The following SOX6 variants were observed in gnomAD, a reference collection of about 807,000 sequenced individuals.
SOX6 encodes SRY-box transcription factor 6, also known as transcription factor SOX-6.
In SOX6, 11 loss-of-function variants were observed where a neutral mutation model predicts 97.8. The ratio of observed to expected loss-of-function variants is 0.11; its 90% CI spans 0.07 to 0.19. SOX6 has a LOEUF of 0.19. Ranked by LOEUF, SOX6 falls within the 10% of genes least tolerant of loss-of-function variation. The probability of loss-of-function intolerance (pLI) is 1.00; values close to 1 mark genes in which losing one functional copy is unlikely to be tolerated. For synonymous variants in SOX6, 360 were observed against 371.4 expected (o/e 0.97, Z 0.35); for missense variants, 810 against 1,039.5 (o/e 0.78, Z 3.04).
chr11:16,225,833 T>G (rs1475840176), intron 4 of SOX6, among the ~76,000 whole-genome samples: 1 of 152,208 alleles, frequency 6.6e-6, no homozygotes, highest in Non-Finnish European at 1.5e-5. Context: ...AGGCCCTCAG[T>G]GGCACTTAGT....
chr11:16,147,420 G>A (rs1012812101), intron 6 of SOX6, among the ~76,000 whole-genome samples: 1 of 152,050 alleles, frequency 6.6e-6, no homozygotes, highest in Admixed American at 6.6e-5. Flanking sequence ...GTTAATGGGT[G>A]CGGCACACCA....
chr11:16,497,989 A>G (rs1860634649), intron 4 of SOX6, among the ~76,000 whole-genome samples: 1 of 152,168 alleles, frequency 6.6e-6, no homozygotes, highest in African/African-American at 2.4e-5. Context: ...ACTCCTCGAG[A>G]AGAGCAACTC....
chr11:16,464,302 T>C lies in SOX6; in HGVS notation c.-5+12013A>G, dbSNP rs1859987359. 3.9e-5 allele frequency among the ~76,000 whole-genome samples: 6 copies of C among 151,926 alleles called. No homozygotes were observed. In the South Asian group the frequency reaches 1.2e-3, roughly 31 times the overall value. ...TTTGATTGCCCAAAGTGGACTAGAG[T>C]GCCTTTAGTTTATATAAGAAACCCA... On this transcript the variant is annotated intron_variant, in intron 1 of 15. Transcript: ENST00000396356.
chr11:16,069,085 G>T (rs1357167957), intron 9 of SOX6, among the ~76,000 whole-genome samples: 1 of 152,116 alleles, frequency 6.6e-6, no homozygotes, highest in Non-Finnish European at 1.5e-5. Context: ...CAGAGATGGA[G>T]GTCATCTTTC....
At chr11:16,523,077 C>G (rs1284250463) in intron 4 of SOX6, among the ~76,000 whole-genome samples, 2 of 152,134 alleles carry the variant, frequency 1.3e-5, no homozygotes, top group Non-Finnish European at 2.9e-5. Flanking sequence ...ATCAACAACA[C>G]AAAAAGTTAA....
At chr11:16,240,812 A>T (rs1853173598) in intron 3 of SOX6, among the ~76,000 whole-genome samples, 1 of 152,030 alleles carries the variant, frequency 6.6e-6, no homozygotes, top group African/African-American at 2.4e-5. Flanking sequence ...CAGAGTCAAG[A>T]TAAGGAAGTC....
At chr11:16,515,145 T>A (rs1464879615) in intron 4 of SOX6, among the ~76,000 whole-genome samples, 1 of 150,172 alleles carries the variant, frequency 6.7e-6, no homozygotes, top group Non-Finnish European at 1.5e-5. Context: ...ATGGTTGAAC[T>A]AGTTTACAGT....
At chr11:16,217,739 T>C (rs1306406149) in intron 4 of SOX6, among the ~76,000 whole-genome samples, 2 of 152,152 alleles carry the variant, frequency 1.3e-5, no homozygotes, top group Non-Finnish European at 2.9e-5. Context: ...CAGTTTCAAG[T>C]CGATCTATAC....
At chr11:16,039,536 T>C (rs569465042) in intron 12 of SOX6, among the ~76,000 whole-genome samples, 20 of 152,188 alleles carry the variant, frequency 1.3e-4, no homozygotes, top group Admixed American at 1.2e-3. Flanking sequence ...GTTTGACTTA[T>C]TCATTCTTAT....
At chr11:16,551,465 A>G (rs1847685427) in intron 4 of SOX6, among the ~76,000 whole-genome samples, 4 of 152,166 alleles carry the variant, frequency 2.6e-5, no homozygotes, top group Admixed American at 2.0e-4. Flanking sequence ...AGATTTTCAG[A>G]TTGTCTCCAA....
chr11:16,259,465 T>C (rs1037460821), intron 3 of SOX6, among the ~76,000 whole-genome samples: 8 of 152,030 alleles, frequency 5.3e-5, no homozygotes, highest in African/African-American at 1.9e-4. Context: ...CAAAGGCCCA[T>C]AATCAGTAAA....
intron 9 of SOX6, among the ~76,000 whole-genome samples, chr11:16,070,634 A>T (rs75535394): frequency 0.011 from 1,603 of 152,212 alleles, 26 homozygotes; most frequent in African/African-American, 0.037. Context: ...CAAGCCAATC[A>T]TCTCTGAAAC....
chr11:16,001,308 A>T (rs1854401844), intron 13 of SOX6, among the ~76,000 whole-genome samples: 1 of 152,236 alleles, frequency 6.6e-6, no homozygotes, highest in Admixed American at 6.5e-5. Context: ...ATATTTACAA[A>T]GTGCTTTCAC....
intron 1 of SOX6, among the ~76,000 whole-genome samples, chr11:16,346,970 C>G (rs954120835): frequency 6.6e-6 from 1 of 152,096 alleles, no homozygotes; most frequent in Non-Finnish European, 1.5e-5. Context: ...CTTAAGTCAT[C>G]AAAGTTTGTG....
chr11:16,497,588 C>G (rs1011687983), intron 4 of SOX6, among the ~76,000 whole-genome samples: 2 of 151,900 alleles, frequency 1.3e-5, no homozygotes, highest in Non-Finnish European at 2.9e-5. Flanking sequence ...AGATGAATGG[C>G]TAACTAGAAT....
At chr11:16,290,037 T>C (rs753988241) in intron 3 of SOX6, among the ~76,000 whole-genome samples, 1 of 152,044 alleles carries the variant, frequency 6.6e-6, no homozygotes, top group African/African-American at 2.4e-5. Flanking sequence ...CCTGCAATGA[T>C]TTCCATGTTT....
intron 1 of SOX6, among the ~76,000 whole-genome samples, chr11:16,363,023 T>C (rs1857249040): frequency 6.6e-6 from 1 of 152,158 alleles, no homozygotes; most frequent in South Asian, 2.1e-4. Flanking sequence ...ATTCGGTAAA[T>C]ACATATATGT....
At chr11:16,012,079 G>A (rs1854749220) in intron 13 of SOX6, among the ~76,000 whole-genome samples, 1 of 152,028 alleles carries the variant, frequency 6.6e-6, no homozygotes, top group Non-Finnish European at 1.5e-5. Context: ...CACATGGTAG[G>A]CACTCAAGAA....
At chr11:16,454,905 C>T (rs4757403) in intron 1 of SOX6, among the ~76,000 whole-genome samples, 30,846 of 151,934 alleles carry the variant, frequency 0.2, 3,371 homozygotes, top group Admixed American at 0.32. Flanking sequence ...GATTTCTTGG[C>T]AGACTGAGAT....
Sources: gnomAD v4.1 joint callset for allele counts (sites outside exome capture counted in the v4.1 genomes callset) on GRCh38, gnomAD v4.1.1 for gene constraint, MANE v1.5 for transcripts, NCBI Gene and HGNC (gene_info 2026-07-23, HGNC 2026-07-21) for gene names.